ZDHHC11B: variants seen among roughly 807,000 people sequenced by gnomAD.
ZDHHC11B encodes the protein probable palmitoyltransferase ZDHHC11B.
In ZDHHC11B, 17 loss-of-function variants were observed where a neutral mutation model predicts 42.3. The ratio of observed to expected loss-of-function variants is 0.40; its 90% CI spans 0.27 to 0.60. The LOEUF (loss-of-function observed/expected upper bound fraction) is 0.60. Ranked by LOEUF, ZDHHC11B falls within the 20% of genes least tolerant of loss-of-function variation. The pLI is 0.41. For synonymous variants in ZDHHC11B, 123 were observed against 193.5 expected (o/e 0.64, Z 3.02); for missense variants, 262 against 463.2 (o/e 0.57, Z 3.99).
chr5:753,726 G>A (rs1184229551), intron 6 of ZDHHC11B, among the ~76,000 whole-genome samples: 2 of 148,408 alleles, frequency 1.3e-5, no homozygotes, highest in East Asian at 2.2e-4. Flanking sequence ...CTCGCTGTGC[G>A]GTCATGCAAC....
In ZDHHC11B at chr5:778,297, C is replaced by T. The variant is rs185098750; in HGVS notation, c.-230+6371G>A. Among the ~76,000 whole-genome samples, 1,018 of 151,282 alleles carry T rather than the reference C, an allele frequency of 6.7e-3. 15 individuals carry two copies. Among genetic ancestry groups the T allele is most frequent in the African/African-American group, 0.023 (941 of 41,002 alleles). On this transcript the variant is annotated intron_variant, in intron 1 of 13. Coordinates refer to ENST00000508859, the MANE Select transcript of ZDHHC11B (RefSeq NM_001351303.2). Reference sequence around the variant, plus strand: ...CATCCCATCAACCATGTCGGAGACTCGGCGGCTGCAGATGCGGTGGGACCT... The same window carrying T: ...CATCCCATCAACCATGTCGGAGACTTGGCGGCTGCAGATGCGGTGGGACCT...
chr5:728,406 C>T (rs543694965), intron 12 of ZDHHC11B, among the ~76,000 whole-genome samples: 1 of 151,844 alleles, frequency 6.6e-6, no homozygotes, highest in Non-Finnish European at 1.5e-5. Context: ...TATCTGACAA[C>T]CTTGGCACAA....
At position 745,191 on chromosome 5, in the gene ZDHHC11B, A is replaced by T. The variant is rs172870; in HGVS notation, c.892T>A (p.Phe298Ile). ...KDPYVQMDKG[F>I]LQQGAGALGS... ...AGAGAGACAGGTGGTACCTGGAGAA[A>T]TCCTTTGTCCATTTGCACGTATGGA... The change falls in exon 9 of 14, where the codon TTT (phenylalanine) becomes ATT (isoleucine). Residue 298 changes from phenylalanine (F) to isoleucine (I), a missense_variant. By Grantham distance (21) the Phe-to-Ile change is conservative (BLOSUM62 0). Around this residue, in one of 5 missense-constraint regions of ZDHHC11B, gnomAD observed 57 missense variants for 103.3 expected, o/e 0.55. Transcript: ENST00000508859. The T allele has an allele frequency of 1.6e-6, 2 of 1,219,130 alleles. No homozygotes were observed. Among genetic ancestry groups the T allele is most frequent in the Non-Finnish European group, 2.3e-6 (2 of 860,820 alleles). 75.5% of individuals were successfully genotyped at this position (1,219,130 alleles called of 1,614,324 possible). A position where few individuals can be genotyped will look rare whatever the true frequency, so the allele number is the denominator to read the frequency against.
At chr5:714,087 C>G (rs58771184) in intron 13 of ZDHHC11B, among the ~76,000 whole-genome samples, 26,672 of 113,370 alleles carry the variant, frequency 0.24, 1,031 homozygotes, top group African/African-American at 0.39. Context: ...TATTTACACA[C>G]GCACTCACAT....
chr5:722,260 T>C (rs1561116770), intron 12 of ZDHHC11B, among the ~76,000 whole-genome samples: 2 of 151,830 alleles, frequency 1.3e-5, no homozygotes, highest in Admixed American at 6.6e-5. Flanking sequence ...AAATTAAACA[T>C]GGAGTTAAGC....
chr5:784,476 C>A lies in ZDHHC11B; in HGVS notation c.-230+192G>T, dbSNP rs558306277. ...CTCCCCGTCGCGTCCTCGCACCGAG[C>A]CCGCAGCGCCGAACTCCGGGCATCC... On this transcript the variant is annotated intron_variant, in intron 1 of 13. Coordinates refer to ENST00000508859, the MANE Select transcript of ZDHHC11B (RefSeq NM_001351303.2). 2.6e-5 allele frequency among the ~76,000 whole-genome samples: 4 copies of A among 152,364 alleles called. No homozygotes were observed. The East Asian group carries it at 7.7e-4, about 29-fold the overall frequency.
intron 4 of ZDHHC11B, among the ~76,000 whole-genome samples, chr5:765,956 C>T (rs1202508927): frequency 6.6e-6 from 1 of 151,934 alleles, no homozygotes; most frequent in East Asian, 1.9e-4. Flanking sequence ...ATAACACATC[C>T]TACTTTCAGA....
chr5:719,640 A>AG (rs199874552), intron 12 of ZDHHC11B, among the ~76,000 whole-genome samples: 2 of 151,454 alleles, frequency 1.3e-5, no homozygotes, highest in Admixed American at 1.3e-4. Context: ...AAAAAAAAAA[A>AG]GAATGAAAGA....
At chr5:746,136 T>C (rs1303963337) in intron 8 of ZDHHC11B, among the ~76,000 whole-genome samples, 1 of 148,430 alleles carries the variant, frequency 6.7e-6, no homozygotes, top group East Asian at 2.1e-4. Flanking sequence ...CTGCACCTAT[T>C]TCAGCCACGA....
chr5:777,064 C>G, intron 1 of ZDHHC11B, among the ~76,000 whole-genome samples: 1 of 151,878 alleles, frequency 6.6e-6, no homozygotes, highest in East Asian at 1.9e-4. Context: ...GTCTCGCTGA[C>G]GTCAGGAATG....
chr5:721,460 C>A (rs1435118510), intron 12 of ZDHHC11B, among the ~76,000 whole-genome samples: 1 of 151,268 alleles, frequency 6.6e-6, no homozygotes, highest in Non-Finnish European at 1.5e-5. Flanking sequence ...TGCCTGTGGA[C>A]AAAGATGCTG....
At chr5:778,803 A>T (rs1445852459) in intron 1 of ZDHHC11B, among the ~76,000 whole-genome samples, 1 of 151,846 alleles carries the variant, frequency 6.6e-6, no homozygotes, top group Non-Finnish European at 1.5e-5. Context: ...GAGAGAAGAG[A>T]AGAAGGTGCT....
intron 1 of ZDHHC11B, among the ~76,000 whole-genome samples, chr5:777,080 G>A (rs1204452167): frequency 2.6e-5 from 4 of 151,914 alleles, no homozygotes; most frequent in African/African-American, 9.7e-5. Flanking sequence ...GAATGAAGCT[G>A]CGGAGCCCCG....
intron 12 of ZDHHC11B, among the ~76,000 whole-genome samples, chr5:726,155 T>G (rs2126986027): frequency 6.6e-6 from 1 of 151,316 alleles, no homozygotes; most frequent in East Asian, 1.9e-4. Flanking sequence ...CCCTACACAT[T>G]TCCCACAAAA....
chr5:778,681 G>A (rs1197048708), intron 1 of ZDHHC11B, among the ~76,000 whole-genome samples: 1 of 152,076 alleles, frequency 6.6e-6, no homozygotes, highest in Non-Finnish European at 1.5e-5. Context: ...CTGTGAACGC[G>A]ACCTTGTTTG....
intron 1 of ZDHHC11B, among the ~76,000 whole-genome samples, chr5:777,837 C>A (rs545217044): frequency 6.6e-6 from 1 of 151,984 alleles, no homozygotes; most frequent in Non-Finnish European, 1.5e-5. Flanking sequence ...CACTCCTCAG[C>A]CCTTGGGCGG....
At position 722,908 on chromosome 5, in the gene ZDHHC11B, C is replaced by T. The variant is rs555174590; in HGVS notation, c.1059-6043G>A. ...CCTCAAAGATTCCAGATACTACATA[C>T]GCACAATGTCCTTTCTGTTAAAAAA... On this transcript the variant is annotated intron_variant, in intron 12 of 13. Transcript: ENST00000508859. Among the ~76,000 whole-genome samples the T allele has an allele frequency of 7.5e-4, 113 of 151,658 alleles. 3 individuals carry two copies. The South Asian group carries it at 0.01, about 14-fold the overall frequency.
intron 12 of ZDHHC11B, among the ~76,000 whole-genome samples, chr5:727,759 G>C (rs1190206198): frequency 7.7e-6 from 1 of 129,840 alleles, no homozygotes; most frequent in Non-Finnish European, 1.7e-5. Flanking sequence ...AGTAACCTTA[G>C]CTCTCTCCCT....
chr5:718,334 G>T (rs1362378635), intron 12 of ZDHHC11B, among the ~76,000 whole-genome samples: 3 of 151,692 alleles, frequency 2.0e-5, no homozygotes, highest in South Asian at 4.1e-4. Context: ...GAATTATTTG[G>T]AAACTCTGAA....
Sources: allele counts gnomAD v4.1 joint callset (sites outside exome capture counted in the v4.1 genomes callset), GRCh38; gene constraint gnomAD v4.1.1; regional missense constraint gnomAD v4.1.1; transcripts MANE v1.5; gene names NCBI Gene and HGNC (gene_info 2026-07-23, HGNC 2026-07-21).